The following FBXW8 variants were observed in gnomAD, a reference collection of about 807,000 sequenced individuals.
FBXW8 encodes the protein F-box/WD repeat-containing protein 8.
Under a neutral mutation model 65.3 loss-of-function variants are expected in FBXW8, and 57 were observed. The ratio of observed to expected loss-of-function variants is 0.87; its 90% CI spans 0.71 to 1.09. The LOEUF is 1.09. Among genes scored for constraint, FBXW8 ranks in the 50% least tolerant of loss-of-function variants. FBXW8 has a pLI of 0.00. For synonymous variants in FBXW8, 308 were observed against 330.2 expected (o/e 0.93, Z 0.73); for missense variants, 777 against 814.8 (o/e 0.95, Z 0.57).
At chr12:116,929,535 T>C (rs1328005515) in intron 2 of FBXW8, among the ~76,000 whole-genome samples, 1 of 74,342 alleles carries the variant, frequency 1.3e-5, no homozygotes, top group African/African-American at 3.7e-5. Flanking sequence ...GGGCCTGGAC[T>C]GATTTTTCTT....
At chr12:117,008,586 T>C (rs1565939232) in intron 7 of FBXW8, among the ~76,000 whole-genome samples, 1 of 152,362 alleles carries the variant, frequency 6.6e-6, no homozygotes, top group East Asian at 1.9e-4. Context: ...GTTTTGACCA[T>C]TAGAAACTTC....
In FBXW8 at chr12:116,985,354, T is replaced by A. The variant is rs772788672; in HGVS notation, c.984T>A (p.Asn328Lys). ...SAFDVVMLSP[N>K]EEGYWQIAAE... ...TTGATGTCGTGATGTTATCCCCCAA[T>A]GAGGAGGGGTACTGGCAGATAGCTG... Residue 328 changes from asparagine to lysine, a missense_variant, in exon 6 of 11, where the codon AAT (asparagine) becomes AAA (lysine). Transcript: ENST00000652555. 3 of 1,614,110 alleles carry A rather than the reference T, an allele frequency of 1.9e-6. No individual in the cohort carries two copies. Among genetic ancestry groups the A allele is most frequent in the Non-Finnish European group, 1.7e-6 (2 of 1,180,022 alleles).
chr12:117,020,641 T>C lies in FBXW8; in HGVS notation c.1368-3506T>C, dbSNP rs1157901970. Among the ~76,000 whole-genome samples, 3 of 152,242 alleles carry C rather than the reference T, an allele frequency of 2.0e-5. No individual in the cohort carries two copies. In the East Asian group the frequency reaches 5.8e-4, roughly 29 times the overall value. Reference sequence around the variant, plus strand: ...CAAATTTAATTTCAGGGACTATACTTTCATGCTTTTGTATTGAAAGCAGGA... The same window carrying C: ...CAAATTTAATTTCAGGGACTATACTCTCATGCTTTTGTATTGAAAGCAGGA... On this transcript the variant is annotated intron_variant, in intron 8 of 10. Transcript: ENST00000652555.
At chr12:116,923,080 C>CCTG (rs1425604365) in intron 1 of FBXW8, among the ~76,000 whole-genome samples, 5 of 152,230 alleles carry the variant, frequency 3.3e-5, no homozygotes, top group Non-Finnish European at 5.9e-5. Flanking sequence ...GTGATGTGTG[C>CCTG]CTGTAATCTC....
intron 8 of FBXW8, among the ~76,000 whole-genome samples, chr12:117,018,261 A>G (rs1954006836): frequency 6.6e-6 from 1 of 152,242 alleles, no homozygotes; most frequent in Non-Finnish European, 1.5e-5. Flanking sequence ...AATATTAAAC[A>G]TAATACAATT....
chr12:117,022,781 T>A (rs1459379067), intron 8 of FBXW8, among the ~76,000 whole-genome samples: 1 of 152,238 alleles, frequency 6.6e-6, no homozygotes, highest in African/African-American at 2.4e-5. Flanking sequence ...AGTGAATGCT[T>A]TTGCCTTGAA....
rs11068287 is a variant in FBXW8 at position 117,010,698 on chromosome 12, G to A, written c.1367+248G>A. 7.8e-3 allele frequency among the ~76,000 whole-genome samples: 1,190 copies of A among 152,338 alleles called. 23 individuals are homozygous for A. In the East Asian group the frequency reaches 0.1, roughly 13 times the overall value. ...TTTTCTTTTAAGCCATTTGGTGGCCGCAGTTGGTAGAAGGTCCAGGGAGAC... is the reference window on the plus strand; with the variant it reads ...TTTTCTTTTAAGCCATTTGGTGGCCACAGTTGGTAGAAGGTCCAGGGAGAC... On this transcript the variant is annotated intron_variant, in intron 8 of 10. Coordinates refer to ENST00000652555, the MANE Select transcript of FBXW8 (RefSeq NM_153348.3).
At chr12:116,928,001 T>C (rs1178890215) in intron 1 of FBXW8, 22 bp from the exon 2 acceptor site, 1 of 1,455,848 alleles carries the variant, frequency 6.9e-7, no homozygotes, top group Non-Finnish European at 9.4e-7. Flanking sequence ...TATAAACTTC[T>C]TTCTTTTTTT....
chr12:116,915,070 A>G (rs1489314085), intron 1 of FBXW8, among the ~76,000 whole-genome samples: 1 of 152,192 alleles, frequency 6.6e-6, no homozygotes, highest in Admixed American at 6.6e-5. Context: ...TTAGGAAAGT[A>G]ACTGATTTTT....
At chr12:116,948,210 T>C (rs559276010) in intron 3 of FBXW8, among the ~76,000 whole-genome samples, 13 of 152,314 alleles carry the variant, frequency 8.5e-5, no homozygotes, top group African/African-American at 2.6e-4. Flanking sequence ...TTTTTCCTAG[T>C]GTTTGCATAA....
intron 2 of FBXW8, among the ~76,000 whole-genome samples, chr12:116,935,789 C>T (rs76770655): frequency 0.029 from 4,384 of 152,142 alleles, 180 homozygotes; most frequent in East Asian, 0.19. Flanking sequence ...AAGCATAAAG[C>T]AAAATAATAC....
At chr12:117,004,672 T>A (rs1444137098) in intron 7 of FBXW8, among the ~76,000 whole-genome samples, 1 of 152,186 alleles carries the variant, frequency 6.6e-6, no homozygotes, top group Admixed American at 6.5e-5. Flanking sequence ...TCTGCACCAA[T>A]AGATACTTTC....
At chr12:117,019,229 C>CTATA (rs1954030286) in intron 8 of FBXW8, among the ~76,000 whole-genome samples, 1 of 152,202 alleles carries the variant, frequency 6.6e-6, no homozygotes, top group Admixed American at 6.5e-5. Flanking sequence ...TATGTATCAT[C>CTATA]TATACATTAT....
At chr12:117,013,477 G>A (rs1953874110) in intron 8 of FBXW8, among the ~76,000 whole-genome samples, 1 of 152,114 alleles carries the variant, frequency 6.6e-6, no homozygotes, top group Admixed American at 6.5e-5. Context: ...AGAAGAAAGA[G>A]CAATGAGTAA....
chr12:117,015,627 G>A (rs912033368), intron 8 of FBXW8, among the ~76,000 whole-genome samples: 1 of 152,160 alleles, frequency 6.6e-6, no homozygotes, highest in African/African-American at 2.4e-5. Flanking sequence ...GGGTTGCTAA[G>A]TCACTGAGCC....
Position 116,925,949 on chromosome 12 carries a change from C to A in FBXW8, c.319-2074C>A, listed in dbSNP as rs562304216. 2.6e-5 allele frequency among the ~76,000 whole-genome samples: 4 copies of A among 152,120 alleles called. No homozygotes were observed. The South Asian group carries it at 6.2e-4, about 24-fold the overall frequency. The stretch of plus-strand genomic sequence containing the variant: ...CTGAACCTCCATGCTGGGTTGCATC[C>A]CAGGGATTATGGTGGTTGGGATCAA... On this transcript the variant is annotated intron_variant, in intron 1 of 10. Coordinates refer to ENST00000652555, the MANE Select transcript of FBXW8 (RefSeq NM_153348.3).
At position 117,028,217 on chromosome 12, in the gene FBXW8, GT is replaced by G. The variant is rs763521703; in HGVS notation, c.*49del. 1.9e-6 allele frequency: 3 copies of G among 1,606,084 alleles called. No individual in the cohort carries two copies. In the African/African-American group the frequency reaches 4.0e-5, roughly 21 times the overall value. ...GCAAGGAGAAAAATGGGAAGAACCA[GT>G]TTTATCCATCTTAAAACGCCAGGCA... On this transcript the variant is annotated 3_prime_UTR_variant, in exon 11 of 11. Transcript: ENST00000652555. The surrounding 1 kb of genome is among the most constrained non-coding windows in gnomAD (Gnocchi z 4.1).
In FBXW8 at chr12:116,953,355, GCAGCATCCA is replaced by G. The variant is rs1234029604; in HGVS notation, c.677+3653_677+3661del. On this transcript the variant is annotated intron_variant, in intron 4 of 10. Coordinates refer to ENST00000652555, the MANE Select transcript of FBXW8 (RefSeq NM_153348.3). Reference sequence around the variant, plus strand: ...AGTGGAGCCGCTCCGCTGTGTTTCTGCAGCATCCACAGGCAGGGCTGGCTGGTGAGGCTG... The same window carrying G: ...AGTGGAGCCGCTCCGCTGTGTTTCTGCAGGCAGGGCTGGCTGGTGAGGCTG... Among the ~76,000 whole-genome samples the G allele has an allele frequency of 7.9e-5, 12 of 152,334 alleles. No homozygotes were observed. In the East Asian group the frequency reaches 2.1e-3, roughly 27 times the overall value.
intron 2 of FBXW8, 95 bp from the exon 3 acceptor site, chr12:116,945,269 C>A: frequency 1.6e-6 from 2 of 1,268,540 alleles, no homozygotes; most frequent in South Asian, 1.5e-5. Flanking sequence ...CTGCCATAAA[C>A]CCAGGGCAAT....
Sources: gnomAD v4.1 joint callset for allele counts (sites outside exome capture counted in the v4.1 genomes callset) on GRCh38, gnomAD v4.1.1 for gene constraint, Gnocchi (gnomAD v3.1) non-coding constraint, MANE v1.5 for transcripts, NCBI Gene and HGNC (gene_info 2026-07-23, HGNC 2026-07-21) for gene names.